THSD4: variants seen among roughly 807,000 people sequenced by gnomAD.
The protein encoded by THSD4 is thrombospondin type-1 domain-containing protein 4.
THSD4 carries 69 observed loss-of-function variants against 119.0 expected under a neutral mutation model. That is an observed-to-expected ratio of 0.58 (90% confidence interval 0.48 to 0.71). The LOEUF (loss-of-function observed/expected upper bound fraction) is 0.71. Among genes scored for constraint, THSD4 ranks in the 30% least tolerant of loss-of-function variants. THSD4 has a pLI of 0.00. For synonymous variants in THSD4, 524 were observed against 540.4 expected, an observed-to-expected ratio of 0.97 and a Z score of 0.42; for missense variants, 1,393 against 1,391.1, an observed-to-expected ratio of 1.00 and a Z score of -0.02.
chr15:71,538,408 T>A (rs2048714888), intron 7 of THSD4, among the ~76,000 whole-genome samples: 1 of 152,206 alleles, frequency 6.6e-6, no homozygotes, highest in Admixed American at 6.5e-5. Context: ...CTCTACATGT[T>A]TAGTCAGGTA....
At chr15:71,731,305 C>A in intron 10 of THSD4, 88 bp downstream of exon 10, 2 of 1,305,572 alleles carry the variant, frequency 1.5e-6, no homozygotes, top group Non-Finnish European at 2.2e-6. Context: ...CACCCTCTGT[C>A]TCTCGGTCAA....
At chr15:71,549,591 CA>C (rs1308514541) in intron 7 of THSD4, 2 of 152,162 alleles carry the variant, frequency 1.3e-5, no homozygotes, top group Non-Finnish European at 2.9e-5. Flanking sequence ...GTGTTACTTG[CA>C]AAACTTACCC....
At position 71,731,137 on chromosome 15, in the gene THSD4, C is replaced by T. The variant is rs751801849; in HGVS notation, c.1550C>T (p.Pro517Leu). Residue 517 changes from proline to leucine, a missense_variant, in exon 10 of 18, where the codon CCA becomes CTA. By Grantham distance (98) the Pro-to-Leu change is moderately conservative (BLOSUM62 -3). Transcript: ENST00000261862. ...ILDVYMIHQQ[P>L]NPGVHYEYVI... Reference sequence around the variant, plus strand: ...TGTCAGCAGATGATACACCAGCAGCCAAACCCAGGCGTGCACTACGAGTAC... The same window carrying T: ...TGTCAGCAGATGATACACCAGCAGCTAAACCCAGGCGTGCACTACGAGTAC... 2.5e-6 allele frequency: 4 copies of T among 1,614,140 alleles called. No homozygotes were observed. The East Asian group carries it at 8.9e-5, about 36-fold the overall frequency.
At chr15:71,774,156 T>A (rs1311067090) in intron 17 of THSD4, among the ~76,000 whole-genome samples, 1 of 151,758 alleles carries the variant, frequency 6.6e-6, no homozygotes, top group Non-Finnish European at 1.5e-5. Flanking sequence ...ACAAAAAATA[T>A]AAAAATTAGC....
In THSD4 at chr15:71,765,147, C is replaced by A; in HGVS notation, c.2717C>A (p.Ser906Tyr). 6.2e-7 allele frequency: 1 copy of A among 1,614,224 alleles called. No homozygotes were observed. The highest frequency in any genetic ancestry group is 8.5e-7 in the Non-Finnish European group (1 of 1,180,044). Residue 906 changes from serine (S) to tyrosine (Y), a missense_variant, in exon 16 of 18, where the codon TCC (serine) becomes TAC (tyrosine). Physicochemically the swap from Ser to Tyr is moderately radical, Grantham distance 144. Transcript: ENST00000261862. ...SFLEKPPSQQ[S>Y]CHLKPCGAKW... ...CTGGAGAAACCCCCCAGCCAGCAAT[C>A]CTGCCACCTCAAGCCTTGCGGAGCC...
intron 7 of THSD4, among the ~76,000 whole-genome samples, chr15:71,442,451 C>T (rs1232894712): frequency 2.0e-5 from 3 of 149,660 alleles, no homozygotes; most frequent in Non-Finnish European, 4.5e-5. Context: ...TACCTGTAAT[C>T]CCAGCTACTT....
At chr15:71,235,131 A>G (rs969089509) in intron 4 of THSD4, among the ~76,000 whole-genome samples, 1 of 152,232 alleles carries the variant, frequency 6.6e-6, no homozygotes, top group Non-Finnish European at 1.5e-5. Context: ...CTCCTAGCTT[A>G]AAGTGCCAAT....
intron 7 of THSD4, among the ~76,000 whole-genome samples, chr15:71,439,508 A>G (rs1432406936): frequency 1.3e-5 from 2 of 152,192 alleles, no homozygotes; most frequent in Non-Finnish European, 2.9e-5. Flanking sequence ...CAGCCATCCT[A>G]TTACTGAGTA....
chr15:71,331,061 G>A (rs2045414781), intron 6 of THSD4, among the ~76,000 whole-genome samples: 2 of 152,214 alleles, frequency 1.3e-5, no homozygotes, highest in African/African-American at 4.8e-5. Context: ...GCTCCTCTCA[G>A]TGGCCTTTGG....
intron 1 of THSD4, among the ~76,000 whole-genome samples, chr15:71,120,939 G>C (rs565317548): frequency 6.6e-6 from 1 of 152,308 alleles, no homozygotes; most frequent in Admixed American, 6.5e-5. Context: ...GACGAGCTTT[G>C]ACTTAACCAT....
chr15:71,494,779 G>A (rs1317452920), intron 7 of THSD4, among the ~76,000 whole-genome samples: 1 of 152,178 alleles, frequency 6.6e-6, no homozygotes, highest in Non-Finnish European at 1.5e-5. Flanking sequence ...TTTCACAGCT[G>A]GTTATTAAAA....
rs147293284 is a variant in THSD4 at position 71,739,156 on chromosome 15, G to A, written c.1906+1149G>A. 3.8e-3 allele frequency among the ~76,000 whole-genome samples: 570 copies of A among 150,032 alleles called. 4 individuals carry two copies. The highest frequency in any genetic ancestry group is 0.013 in the African/African-American group (524 of 40,758). On this transcript the variant is annotated intron_variant, in intron 11 of 17. Coordinates refer to ENST00000261862, the MANE Select transcript of THSD4 (RefSeq NM_024817.3). ...TGGCGTGTTAGCTGGCTTTTACACTGACCAACACTCACAGCTCCCATACTA... is the reference window on the plus strand; with the variant it reads ...TGGCGTGTTAGCTGGCTTTTACACTAACCAACACTCACAGCTCCCATACTA...
chr15:71,559,249 A>G (rs1422084966), intron 7 of THSD4, among the ~76,000 whole-genome samples: 2 of 152,038 alleles, frequency 1.3e-5, no homozygotes, highest in Non-Finnish European at 2.9e-5. Context: ...CCTTTCCTTG[A>G]TGTTAGTGGC....
chr15:71,428,984 C>T (rs755661286), intron 7 of THSD4, among the ~76,000 whole-genome samples: 3 of 152,180 alleles, frequency 2.0e-5, no homozygotes, highest in Non-Finnish European at 4.4e-5. Context: ...TGTATGGTAT[C>T]GCACACTAGG....
At chr15:71,248,613 G>C (rs777237744) in intron 5 of THSD4, among the ~76,000 whole-genome samples, 5 of 152,160 alleles carry the variant, frequency 3.3e-5, no homozygotes, top group Non-Finnish European at 7.3e-5. Context: ...GACATGATGA[G>C]TACTGGTATC....
intron 7 of THSD4, among the ~76,000 whole-genome samples, chr15:71,653,582 A>G (rs1346536656): frequency 6.6e-6 from 1 of 152,176 alleles, no homozygotes; most frequent in African/African-American, 2.4e-5. Context: ...TTTCAGGACC[A>G]AAACATCAGT....
chr15:71,345,966 C>T (rs1170028284), intron 6 of THSD4, among the ~76,000 whole-genome samples: 1 of 152,068 alleles, frequency 6.6e-6, no homozygotes, highest in Non-Finnish European at 1.5e-5. Flanking sequence ...CATACATAAC[C>T]ACAAAGCAAC....
At chr15:71,679,375 G>C (rs541431511) in intron 8 of THSD4, among the ~76,000 whole-genome samples, 2 of 152,290 alleles carry the variant, frequency 1.3e-5, no homozygotes, top group East Asian at 3.9e-4. Context: ...CTCTGTTACA[G>C]CTACTCAGCT....
intron 6 of THSD4, among the ~76,000 whole-genome samples, chr15:71,326,279 A>G (rs191554331): frequency 6.6e-6 from 1 of 152,250 alleles, no homozygotes; most frequent in East Asian, 1.9e-4. Context: ...AGTAAACTAC[A>G]TGTCAAGGGC....
Sources: allele counts gnomAD v4.1 joint callset (sites outside exome capture counted in the v4.1 genomes callset), GRCh38; gene constraint gnomAD v4.1.1; transcripts MANE v1.5; gene names NCBI Gene and HGNC (gene_info 2026-07-23, HGNC 2026-07-21).